LRRC8C: variants seen among roughly 807,000 people sequenced by gnomAD.
LRRC8C encodes leucine rich repeat containing 8 VRAC subunit C.
LRRC8C carries 20 observed loss-of-function variants against 55.3 expected under a neutral mutation model. The ratio of observed to expected loss-of-function variants is 0.36; its 90% CI spans 0.25 to 0.53. The LOEUF (loss-of-function observed/expected upper bound fraction) is 0.53. Ranked by LOEUF, LRRC8C falls within the 20% of genes least tolerant of loss-of-function variation. The pLI is 0.92. For missense variants in LRRC8C, 659 were observed against 951.4 expected, an observed-to-expected ratio of 0.69 and a Z score of 4.04; for synonymous variants, 376 against 360.7, an observed-to-expected ratio of 1.04 and a Z score of -0.48.
In LRRC8C at chr1:89,693,646, C is replaced by CTTTT. The variant is rs35427989; in HGVS notation, c.138+7061_138+7064dup. On this transcript the variant is annotated intron_variant, in intron 2 of 2. Coordinates refer to ENST00000370454, the MANE Select transcript of LRRC8C (RefSeq NM_032270.5). ...GTTCCTTTTCTTTTATCTTTTCTTCCTTTTTTTTTTTTTTTTTTTTTTTTT... is the reference window on the plus strand; with the variant it reads ...GTTCCTTTTCTTTTATCTTTTCTTCCTTTTTTTTTTTTTTTTTTTTTTTTTTTTT... Among the ~76,000 whole-genome samples, 47 of 82,706 alleles carry CTTTT rather than the reference C, an allele frequency of 5.7e-4. 2 individuals are homozygous for CTTTT. Among genetic ancestry groups the CTTTT allele is most frequent in the Middle Eastern group, 8.5e-3 (1 of 118 alleles). The allele number at this position is 82,706 out of a possible 152,430, so 54.3% of individuals were successfully genotyped here.
intron 2 of LRRC8C, among the ~76,000 whole-genome samples, chr1:89,697,389 C>G (rs1320691952): frequency 6.6e-6 from 1 of 152,134 alleles, no homozygotes; most frequent in East Asian, 1.9e-4. Context: ...TGAACTCTCC[C>G]AATTTCTTTT....
At chr1:89,658,600 A>G (rs1657013730) in intron 1 of LRRC8C, among the ~76,000 whole-genome samples, 1 of 152,244 alleles carries the variant, frequency 6.6e-6, no homozygotes, top group Admixed American at 6.5e-5. Flanking sequence ...TTTTTATATC[A>G]GGATCACCTA....
At chr1:89,656,173 T>C (rs1031965030) in intron 1 of LRRC8C, among the ~76,000 whole-genome samples, 3 of 152,192 alleles carry the variant, frequency 2.0e-5, no homozygotes, top group Non-Finnish European at 2.9e-5. Context: ...CCAAGAACTC[T>C]CCCTTGAGGG....
At chr1:89,662,620 A>G (rs75899699) in intron 1 of LRRC8C, among the ~76,000 whole-genome samples, 120 of 152,228 alleles carry the variant, frequency 7.9e-4, no homozygotes, top group Non-Finnish European at 1.5e-3. Flanking sequence ...GAATCTGAAT[A>G]TATTTTTGTA....
At chr1:89,706,452 T>A (rs1658485106) in intron 2 of LRRC8C, 2 of 427,898 alleles carry the variant, frequency 4.7e-6, no homozygotes, top group Non-Finnish European at 9.3e-6. Context: ...CCTAAATAAG[T>A]GTCATCCTGA....
intron 1 of LRRC8C, among the ~76,000 whole-genome samples, chr1:89,670,239 A>G (rs1027069147): frequency 1.3e-5 from 2 of 152,156 alleles, no homozygotes; most frequent in Admixed American, 6.5e-5. Context: ...GCGTGTTGCC[A>G]TAGTAAAGCT....
chr1:89,681,880 G>C (rs541444683), intron 1 of LRRC8C, among the ~76,000 whole-genome samples: 2 of 152,062 alleles, frequency 1.3e-5, no homozygotes, highest in Non-Finnish European at 2.9e-5. Context: ...ATGCACATAC[G>C]CATTTACTCA....
At chr1:89,642,437 G>T (rs1037256673) in intron 1 of LRRC8C, among the ~76,000 whole-genome samples, 4 of 152,202 alleles carry the variant, frequency 2.6e-5, no homozygotes, top group African/African-American at 9.7e-5. Context: ...ATTCATGGCT[G>T]GGTGCAGTGG....
At chr1:89,616,400 G>C in the LRRC8C span, among the ~76,000 whole-genome samples, 1 of 152,206 alleles carries the variant, frequency 6.6e-6, no homozygotes, top group Non-Finnish European at 1.5e-5. Context: ...ACAGCCAAGT[G>C]TGCCCGAGGC....
chr1:89,642,910 C>G (rs1404762207), intron 1 of LRRC8C, among the ~76,000 whole-genome samples: 4 of 149,158 alleles, frequency 2.7e-5, no homozygotes, highest in Admixed American at 6.7e-5. Context: ...CCCAGCTACT[C>G]AGGAGGCTGA....
intron 1 of LRRC8C, among the ~76,000 whole-genome samples, chr1:89,684,927 G>T (rs537932335): frequency 2.6e-5 from 4 of 152,078 alleles, no homozygotes; most frequent in Non-Finnish European, 5.9e-5. Flanking sequence ...GGAGAACATC[G>T]CCAGGCCGTT....
intron 1 of LRRC8C, among the ~76,000 whole-genome samples, chr1:89,646,981 G>T (rs1656630404): frequency 1.3e-5 from 2 of 151,956 alleles, no homozygotes; most frequent in Admixed American, 1.3e-4. Context: ...ATCAGCCCTT[G>T]TATATGAACA....
intron 1 of LRRC8C, 75 bp downstream of exon 1, chr1:89,633,397 G>GCCGGACCGGGACTCGCC: frequency 1.3e-5 from 2 of 152,548 alleles, no homozygotes; most frequent in African/African-American, 4.8e-5. Flanking sequence ...CGCTGTGCGC[G>GCCGGACCGGGACTCGCC]CCGGACCGGG....
At chr1:89,671,860 T>C (rs1203025994) in intron 1 of LRRC8C, among the ~76,000 whole-genome samples, 1 of 152,306 alleles carries the variant, frequency 6.6e-6, no homozygotes, top group Non-Finnish European at 1.5e-5. Context: ...GCAGAAAGCA[T>C]GGGTAGATTT....
chr1:89,620,761 T>C, the LRRC8C span, among the ~76,000 whole-genome samples: 2 of 152,196 alleles, frequency 1.3e-5, no homozygotes. Flanking sequence ...GATTCATACT[T>C]GCTTCTCTTA....
intron 1 of LRRC8C, among the ~76,000 whole-genome samples, chr1:89,663,972 GA>G (rs1657188822): frequency 1.3e-5 from 2 of 152,050 alleles, no homozygotes; most frequent in Non-Finnish European, 2.9e-5. Context: ...TGATGGTGTT[GA>G]TTTTTTTCTT....
chr1:89,702,381 G>A (rs1371399652), intron 2 of LRRC8C, among the ~76,000 whole-genome samples: 1 of 151,964 alleles, frequency 6.6e-6, no homozygotes, highest in African/African-American at 2.4e-5. Flanking sequence ...GTTTTAACCA[G>A]ATGACAATGA....
At chr1:89,679,562 C>A (rs1657642200) in intron 1 of LRRC8C, among the ~76,000 whole-genome samples, 1 of 152,006 alleles carries the variant, frequency 6.6e-6, no homozygotes, top group Non-Finnish European at 1.5e-5. Context: ...TCCAAAAAAA[C>A]AACAAAAGAA....
Position 89,714,929 on chromosome 1 carries a change from G to A in LRRC8C, c.2359G>A (p.Ala787Thr). Residue 787 changes from alanine (A) to threonine (T), a missense_variant, in exon 3 of 3, where the codon GCT (alanine) becomes ACT (threonine). Physicochemically the swap from Ala to Thr is moderately conservative, Grantham distance 58 (BLOSUM62 0). This residue lies in a region of LRRC8C where 344 missense variants were observed against 464.6 expected (regional missense o/e 0.74). Coordinates refer to ENST00000370454, the MANE Select transcript of LRRC8C (RefSeq NM_032270.5). This position sits in a 1 kb window ranked among gnomAD's most constrained non-coding sequence, Gnocchi z 4.6. ...LKRAGLVVEDALFETLPSDVR... is the reference protein window; with the variant it reads ...LKRAGLVVEDTLFETLPSDVR... ...GCGAGCTGGTTTAGTTGTAGAAGAT[G>A]CTCTGTTTGAAACTCTGCCTTCTGA... The A allele has an allele frequency of 6.2e-7, 1 of 1,608,576 alleles. No homozygotes were observed. The highest frequency in any genetic ancestry group is 1.1e-5 in the South Asian group (1 of 89,452).
Sources: allele counts gnomAD v4.1 joint callset (sites outside exome capture counted in the v4.1 genomes callset), GRCh38; gene constraint gnomAD v4.1.1; regional missense constraint gnomAD v4.1.1; non-coding constraint Gnocchi (gnomAD v3.1); transcripts MANE v1.5; gene names NCBI Gene and HGNC (gene_info 2026-07-23, HGNC 2026-07-21).